The following KDM4A variants were observed in gnomAD, a reference collection of about 807,000 sequenced individuals.
The protein encoded by KDM4A is lysine demethylase 4A.
KDM4A carries 23 observed loss-of-function variants against 127.1 expected under a neutral mutation model. That is an observed-to-expected ratio of 0.18 (90% CI 0.13 to 0.26). KDM4A has a LOEUF of 0.26. Among genes scored for constraint, KDM4A ranks in the 10% least tolerant of loss-of-function variants. The pLI is 1.00. For synonymous variants in KDM4A, 443 were observed against 466.5 expected (o/e 0.95, Z 0.65); for missense variants, 890 against 1,329.1 (o/e 0.67, Z 5.14).
Position 43,697,574 on chromosome 1 carries a change from T to C in KDM4A, c.2671-269T>C, listed in dbSNP as rs139292473. On this transcript the variant is annotated intron_variant, in intron 18 of 21. Transcript: ENST00000372396. ...GTTCAGAGAGTTCTGGGTAAGATAA[T>C]ATGGTATAAGGGCCAGTTGTGGACT... Among the ~76,000 whole-genome samples the C allele has an allele frequency of 1.6e-4, 24 of 152,232 alleles. No homozygotes were observed. In the East Asian group the frequency reaches 4.4e-3, roughly 28 times the overall value.
intron 12 of KDM4A, among the ~76,000 whole-genome samples, chr1:43,687,455 C>A (rs1047119540): frequency 1.3e-5 from 2 of 152,160 alleles, no homozygotes; most frequent in African/African-American, 4.8e-5. Context: ...AAGCGAGATG[C>A]ATGGATCCCC....
chr1:43,673,439 G>A lies in KDM4A; in HGVS notation c.1734+1564G>A, dbSNP rs1660671568. 5.3e-5 allele frequency among the ~76,000 whole-genome samples: 8 copies of A among 152,070 alleles called. No homozygotes were observed. In the South Asian group the frequency reaches 1.7e-3, roughly 32 times the overall value. On this transcript the variant is annotated intron_variant, in intron 11 of 21. Transcript: ENST00000372396. ...CATTTGCTTTCTGTTTTCTTTGGCT[G>A]CAGTACTTGACACTCAGTCATATTC...
intron 11 of KDM4A, among the ~76,000 whole-genome samples, chr1:43,677,685 T>C (rs978502263): frequency 1.3e-5 from 2 of 152,196 alleles, no homozygotes; most frequent in African/African-American, 4.8e-5. Flanking sequence ...AAGATTGTTC[T>C]GGAGGCAGTA....
intron 11 of KDM4A, among the ~76,000 whole-genome samples, chr1:43,675,214 GTC>G (rs1660714359): frequency 6.6e-6 from 1 of 152,182 alleles, no homozygotes; most frequent in Non-Finnish European, 1.5e-5. Flanking sequence ...CTACTTAAAA[GTC>G]TCTAAAACTG....
intron 10 of KDM4A, among the ~76,000 whole-genome samples, chr1:43,670,174 C>G (rs1406582081): frequency 6.6e-6 from 1 of 152,116 alleles, no homozygotes; most frequent in African/African-American, 2.4e-5. Context: ...TGCTGTTTAG[C>G]AGTCACTTGG....
In KDM4A at chr1:43,703,582, G is replaced by C. The variant is rs114981276; in HGVS notation, c.2842-35G>C. Reference sequence around the variant, plus strand: ...CAGTTACCTTTGTGTGCAGGTGGACGTTCCTTTCACCCTCCTTCCTTCCTG... The same window carrying C: ...CAGTTACCTTTGTGTGCAGGTGGACCTTCCTTTCACCCTCCTTCCTTCCTG... On this transcript the variant is annotated intron_variant, in intron 19 of 21. Coordinates refer to ENST00000372396, the MANE Select transcript of KDM4A (RefSeq NM_014663.3). 2.4e-3 allele frequency: 3,905 copies of C among 1,611,278 alleles called. 88 individuals are homozygous for C. In the African/African-American group the frequency reaches 0.047, roughly 19 times the overall value.
chr1:43,667,745 T>C (rs1660531316), intron 8 of KDM4A, 27 bp from the exon 9 acceptor site: 3 of 1,613,800 alleles, frequency 1.9e-6, no homozygotes, highest in Non-Finnish European at 2.5e-6. Context: ...TATGCTCACC[T>C]GGTGCTCTTC....
At chr1:43,686,879 AT>A (rs1341852771) in intron 12 of KDM4A, among the ~76,000 whole-genome samples, 3 of 152,226 alleles carry the variant, frequency 2.0e-5, no homozygotes, top group Admixed American at 6.5e-5. Context: ...AATTTTACAT[AT>A]GTAAACTGTA....
chr1:43,669,026 T>C, intron 9 of KDM4A, 74 bp from the exon 10 acceptor site: 2 of 1,490,206 alleles, frequency 1.3e-6, no homozygotes, highest in Non-Finnish European at 9.3e-7. Context: ...GGGTTGTGTG[T>C]GGATGTGTAT....
chr1:43,659,401 T>G (rs1453176526), intron 3 of KDM4A, among the ~76,000 whole-genome samples: 1 of 152,068 alleles, frequency 6.6e-6, no homozygotes, highest in African/African-American at 2.4e-5. Context: ...TGCAGACTCC[T>G]CCTCCTGGGT....
At chr1:43,662,823 C>G (rs1424015577) in intron 4 of KDM4A, 71 bp from the exon 5 acceptor site, 7 of 1,354,938 alleles carry the variant, frequency 5.2e-6, no homozygotes, top group Admixed American at 2.1e-5. Flanking sequence ...GTGACCTACT[C>G]TGATTTGTAG....
intron 19 of KDM4A, among the ~76,000 whole-genome samples, chr1:43,701,820 T>C (rs1442114478): frequency 6.6e-6 from 1 of 152,218 alleles, no homozygotes; most frequent in Admixed American, 6.5e-5. Context: ...TGGTATTCCA[T>C]GAACAAAGCA....
intron 19 of KDM4A, chr1:43,700,079 T>C (rs952177136): frequency 2.0e-5 from 3 of 151,916 alleles, no homozygotes; most frequent in African/African-American, 7.3e-5. Context: ...TAGGTTCAAG[T>C]ATAGGAAGAA....
chr1:43,664,144 G>C (rs1372949454), intron 5 of KDM4A, among the ~76,000 whole-genome samples: 1 of 152,192 alleles, frequency 6.6e-6, no homozygotes, highest in Non-Finnish European at 1.5e-5. Context: ...CTTTCAAAGA[G>C]GTGACAAGTG....
At position 43,666,727 on chromosome 1, in the gene KDM4A, C is replaced by CCA. The variant is rs1660509042; in HGVS notation, c.777+173_777+174dup. Among the ~76,000 whole-genome samples, 4 of 152,222 alleles carry CCA rather than the reference C, an allele frequency of 2.6e-5. No individual in the cohort carries two copies. The South Asian group carries it at 8.3e-4, about 32-fold the overall frequency. On this transcript the variant is annotated intron_variant, in intron 7 of 21. Transcript: ENST00000372396. ...GTGGGGCCACTGTAGCTTCCTGGTG[C>CCA]CAGAGGAGAGTCAGATCCCCTAGAA...
At chr1:43,658,042 A>G (rs1348612352) in intron 3 of KDM4A, among the ~76,000 whole-genome samples, 1 of 147,574 alleles carries the variant, frequency 6.8e-6, no homozygotes, top group African/African-American at 2.5e-5. Context: ...CCTAATACAT[A>G]GCAGATTACC....
At chr1:43,703,485 TTCAGCCC>T in intron 19 of KDM4A, 125 bp from the exon 20 acceptor site, 1 of 1,151,526 alleles carries the variant, frequency 8.7e-7, no homozygotes, top group Non-Finnish European at 1.2e-6. Context: ...GTTAACATTT[TTCAGCCC>T]AGAGAGCTGC....
Position 43,694,934 on chromosome 1 carries a change from T to A in KDM4A, c.2670+40T>A. On this transcript the variant is annotated intron_variant, in intron 18 of 21. Coordinates refer to ENST00000372396, the MANE Select transcript of KDM4A (RefSeq NM_014663.3). The surrounding 1 kb of genome is among the most constrained non-coding windows in gnomAD (Gnocchi z 5.2). Reference sequence around the variant, plus strand: ...CATTCTAGAATCCTCTTGACAGTTTTCATGGTCATTTTCTCTGCATGTTTT... The same window carrying A: ...CATTCTAGAATCCTCTTGACAGTTTACATGGTCATTTTCTCTGCATGTTTT... 1 of 1,542,176 alleles carries A rather than the reference T, an allele frequency of 6.5e-7. No homozygotes were observed. Among genetic ancestry groups the A allele is most frequent in the Non-Finnish European group, 8.9e-7 (1 of 1,129,740 alleles).
chr1:43,676,199 A>G (rs1475988894), intron 11 of KDM4A, among the ~76,000 whole-genome samples: 1 of 151,902 alleles, frequency 6.6e-6, no homozygotes, highest in African/African-American at 2.4e-5. Context: ...CTGAGGTGCG[A>G]GAATTGCTTG....
Sources: allele counts gnomAD v4.1 joint callset (sites outside exome capture counted in the v4.1 genomes callset), GRCh38; gene constraint gnomAD v4.1.1; non-coding constraint Gnocchi (gnomAD v3.1); transcripts MANE v1.5; gene names NCBI Gene and HGNC (gene_info 2026-07-23, HGNC 2026-07-21).